DNER: variants seen among roughly 807,000 people sequenced by gnomAD.
DNER encodes delta and Notch-like epidermal growth factor-related receptor.
A neutral mutation model predicts 78.2 loss-of-function variants in DNER; 33 were observed. The ratio of observed to expected loss-of-function variants is 0.42; its 90% CI spans 0.32 to 0.56. The LOEUF (loss-of-function observed/expected upper bound fraction) is 0.56. Ranked by LOEUF, DNER falls within the 20% of genes least tolerant of loss-of-function variation. The pLI, the probability that DNER is intolerant of heterozygous loss-of-function variation, is 0.11. For missense variants in DNER, 918 were observed against 975.3 expected (o/e 0.94, Z 0.78); for synonymous variants, 417 against 384.8 (o/e 1.08, Z -0.98).
intron 1 of DNER, among the ~76,000 whole-genome samples, chr2:229,648,984 A>T (rs6735595): frequency 0.016 from 2,493 of 152,338 alleles, 74 homozygotes; most frequent in African/African-American, 0.057. Flanking sequence ...GCCTCAGCTA[A>T]CCTGTGTAGT....
intron 1 of DNER, among the ~76,000 whole-genome samples, chr2:229,641,642 C>T (rs1448433954): frequency 6.6e-6 from 1 of 151,658 alleles, no homozygotes; most frequent in Non-Finnish European, 1.5e-5. Flanking sequence ...GTCCTCTGAT[C>T]CATTAGCAAT....
At chr2:229,710,781 C>T (rs1168952107) in intron 1 of DNER, among the ~76,000 whole-genome samples, 6 of 151,962 alleles carry the variant, frequency 3.9e-5, no homozygotes, top group African/African-American at 9.7e-5. Flanking sequence ...ATGATTAGCT[C>T]GATCTAGTTA....
intron 11 of DNER, among the ~76,000 whole-genome samples, chr2:229,375,369 T>G (rs1324070985): frequency 6.6e-6 from 1 of 152,206 alleles, no homozygotes. Flanking sequence ...GATAAATACC[T>G]GAGTTAGAAT....
intron 10 of DNER, among the ~76,000 whole-genome samples, chr2:229,396,186 T>C (rs1355618383): frequency 1.3e-5 from 2 of 152,336 alleles, no homozygotes; most frequent in East Asian, 3.9e-4. Flanking sequence ...ATGGGTGATA[T>C]ATCCCTACCA....
intron 1 of DNER, among the ~76,000 whole-genome samples, chr2:229,711,648 A>G (rs1011028538): frequency 1.3e-5 from 2 of 152,228 alleles, no homozygotes; most frequent in African/African-American, 4.8e-5. Context: ...TTCTAATGTT[A>G]CCATTGCTAA....
At position 229,591,418 on chromosome 2, in the gene DNER, A is replaced by G. The variant is rs183576217; in HGVS notation, c.585+162T>C. 6.6e-6 allele frequency among the ~76,000 whole-genome samples: 1 copy of G among 152,374 alleles called. No individual in the cohort carries two copies. Among genetic ancestry groups the G allele is most frequent in the Admixed American group, 6.5e-5 (1 of 15,304 alleles). ...TTACTCTTTTTATACTTATAAAACC[A>G]TCGTACACACAAATGCAGACAGGAA... On this transcript the variant is annotated intron_variant, in intron 2 of 12. Transcript: ENST00000341772. The surrounding 1 kb of genome is among the most constrained non-coding windows in gnomAD (Gnocchi z 4.6).
intron 7 of DNER, among the ~76,000 whole-genome samples, chr2:229,470,574 G>A (rs1476017583): frequency 6.6e-6 from 1 of 152,162 alleles, no homozygotes; most frequent in Non-Finnish European, 1.5e-5. Context: ...TTTTGGAAGG[G>A]CGCAGTGGCT....
chr2:229,668,229 A>G (rs1699129102), intron 1 of DNER, among the ~76,000 whole-genome samples: 1 of 151,950 alleles, frequency 6.6e-6, no homozygotes, highest in Non-Finnish European at 1.5e-5. Flanking sequence ...GGAGGTCTTC[A>G]TGAAAGGTTC....
chr2:229,647,809 G>A (rs1559194775), intron 1 of DNER, among the ~76,000 whole-genome samples: 1 of 152,154 alleles, frequency 6.6e-6, no homozygotes, highest in Non-Finnish European at 1.5e-5. Context: ...AAAAGGCAGA[G>A]TATAAAATTG....
chr2:229,586,142 G>A (rs1697491122), intron 3 of DNER, 118 bp from the exon 4 acceptor site: 2 of 1,250,002 alleles, frequency 1.6e-6, no homozygotes, highest in South Asian at 3.2e-5. Context: ...GGTACCAGGA[G>A]ATCGATGGCA....
At chr2:229,394,797 T>C (rs1693096391) in intron 10 of DNER, among the ~76,000 whole-genome samples, 1 of 152,228 alleles carries the variant, frequency 6.6e-6, no homozygotes. Flanking sequence ...GAATTAAAAT[T>C]AGACAAGATT....
At position 229,621,483 on chromosome 2, in the gene DNER, C is replaced by T. The variant is rs184417331; in HGVS notation, c.277-29595G>A. 2.6e-5 allele frequency among the ~76,000 whole-genome samples: 4 copies of T among 152,108 alleles called. No individual in the cohort carries two copies. In the East Asian group the frequency reaches 7.7e-4, roughly 29 times the overall value. ...GCTCCCAGCCCTGCCCACCACAATA[C>T]TCCCCACACTTCCCACCTGCTCCCA... On this transcript the variant is annotated intron_variant, in intron 1 of 12. Transcript: ENST00000341772.
At chr2:229,449,255 T>C (rs1028820739) in intron 7 of DNER, among the ~76,000 whole-genome samples, 4 of 152,220 alleles carry the variant, frequency 2.6e-5, no homozygotes, top group Admixed American at 6.5e-5. Context: ...GAAAAGAAGA[T>C]ACTTAAACAT....
chr2:229,466,990 A>C (rs986584499), intron 7 of DNER, among the ~76,000 whole-genome samples: 1 of 152,152 alleles, frequency 6.6e-6, no homozygotes, highest in Admixed American at 6.5e-5. Flanking sequence ...TTTGGTCATC[A>C]GGGAAAAAAA....
At chr2:229,622,533 T>A (rs1050336898) in intron 1 of DNER, among the ~76,000 whole-genome samples, 2 of 152,172 alleles carry the variant, frequency 1.3e-5, no homozygotes, top group African/African-American at 4.8e-5. Flanking sequence ...GAATGCAGAG[T>A]AACCTCCTTA....
At chr2:229,417,750 A>C (rs537649426) in intron 9 of DNER, among the ~76,000 whole-genome samples, 1 of 152,154 alleles carries the variant, frequency 6.6e-6, no homozygotes, top group Admixed American at 6.5e-5. Context: ...TCTGCATAAG[A>C]AGCTTTATAG....
chr2:229,581,533 G>A (rs1697396933), intron 4 of DNER, among the ~76,000 whole-genome samples: 1 of 152,170 alleles, frequency 6.6e-6, no homozygotes, highest in South Asian at 2.1e-4. Context: ...GAAATTTGGT[G>A]GCAACACAGC....
intron 11 of DNER, among the ~76,000 whole-genome samples, chr2:229,382,625 A>C (rs953855526): frequency 1.3e-5 from 2 of 151,984 alleles, no homozygotes; most frequent in African/African-American, 4.8e-5. Flanking sequence ...AAGCATACAC[A>C]AGTATCAATA....
intron 1 of DNER, among the ~76,000 whole-genome samples, chr2:229,638,064 C>A (rs1698556720): frequency 6.6e-6 from 1 of 152,128 alleles, no homozygotes; most frequent in African/African-American, 2.4e-5. Flanking sequence ...AAATTATGAA[C>A]AATCCTTTAA....
Sources: allele counts gnomAD v4.1 joint callset (sites outside exome capture counted in the v4.1 genomes callset), GRCh38; gene constraint gnomAD v4.1.1; non-coding constraint Gnocchi (gnomAD v3.1); transcripts MANE v1.5; gene names NCBI Gene and HGNC (gene_info 2026-07-23, HGNC 2026-07-21).